The following PLXNA1 variants were observed in gnomAD, a reference collection of about 807,000 sequenced individuals.
PLXNA1 encodes plexin-A1.
PLXNA1 carries 77 observed loss-of-function variants against 191.7 expected under a neutral mutation model. The observed-to-expected ratio is 0.40, with a 90% CI of 0.33 to 0.49. The LOEUF (loss-of-function observed/expected upper bound fraction) is 0.49, where lower values mean the gene tolerates loss of function less well. PLXNA1 is among the 20% of genes least tolerant of loss of function. PLXNA1 has a pLI of 0.63. For synonymous variants in PLXNA1, 1,137 were observed against 1,156.4 expected, an observed-to-expected ratio of 0.98 and a Z score of 0.34; for missense variants, 2,110 against 2,660.2, an observed-to-expected ratio of 0.79 and a Z score of 4.55.
rs2079132786 is a variant in PLXNA1 at position 127,017,919 on chromosome 3, G to A, written c.3660+27G>A. 1.9e-6 allele frequency: 3 copies of A among 1,609,080 alleles called. No individual in the cohort carries two copies. In the East Asian group the frequency reaches 6.7e-5, roughly 36 times the overall value. On this transcript the variant is annotated intron_variant, in intron 19 of 31. Coordinates refer to ENST00000393409, the MANE Select transcript of PLXNA1 (RefSeq NM_032242.4). The stretch of plus-strand genomic sequence containing the variant: ...TGCGTCTGTCCACCGGGGGTGCAGA[G>A]CTGGGAGAGCCATGCCCCACCTGTG...
Position 127,011,957 on chromosome 3 carries a change from G to A in PLXNA1, c.2113-1G>A. The A allele has an allele frequency of 6.2e-7, 1 of 1,612,440 alleles. No individual in the cohort carries two copies. Among genetic ancestry groups the A allele is most frequent in the Non-Finnish European group, 8.5e-7 (1 of 1,178,894 alleles). ...CTCAGCCAAACTCTTCTTATCCCCA[G>A]GACTGCCCACAGATCCTGCCCTCCA... On this transcript the variant is annotated splice_acceptor_variant, in intron 9 of 31. Coordinates refer to ENST00000393409, the MANE Select transcript of PLXNA1 (RefSeq NM_032242.4). LOFTEE classifies it high-confidence loss of function.
Position 127,017,643 on chromosome 3 carries a change from C to G in PLXNA1, c.3495C>G (p.Pro1165=). ...LSPTGLLELK[P]SSPLILKGRN... Reference sequence around the variant, plus strand: ...CCACTGGCCTGCTGGAGCTGAAGCCCAGCTCCCCACTCATCCTCAAGGTGG... The same window carrying G: ...CCACTGGCCTGCTGGAGCTGAAGCCGAGCTCCCCACTCATCCTCAAGGTGG... The change falls in exon 18 of 32, where the codon CCC becomes CCG. Residue 1165 remains proline (P), a synonymous_variant. Transcript: ENST00000393409. 1 of 1,613,532 alleles carries G rather than the reference C, an allele frequency of 6.2e-7. No homozygotes were observed. Among genetic ancestry groups the G allele is most frequent in the Non-Finnish European group, 8.5e-7 (1 of 1,180,014 alleles).
chr3:127,020,934 C>T (rs1045929944), intron 21 of PLXNA1, among the ~76,000 whole-genome samples: 4 of 152,222 alleles, frequency 2.6e-5, no homozygotes, highest in Non-Finnish European at 5.9e-5. Context: ...GGCAGCGAGC[C>T]TGGCGAGGGA....
At chr3:127,031,146 CCT>C (rs2107638933) in intron 29 of PLXNA1, among the ~76,000 whole-genome samples, 2 of 152,302 alleles carry the variant, frequency 1.3e-5, no homozygotes, top group South Asian at 4.1e-4. Context: ...ATGTTGGCTT[CCT>C]CTCTGCCACA....
intron 1 of PLXNA1, among the ~76,000 whole-genome samples, chr3:126,985,887 G>A (rs774172903): frequency 2.6e-5 from 4 of 152,228 alleles, no homozygotes; most frequent in Non-Finnish European, 5.9e-5. Flanking sequence ...TTAGATGCTG[G>A]GCATGAGGGA....
At chr3:127,003,202 G>T in intron 3 of PLXNA1, 128 bp from the exon 4 acceptor site, 2 of 1,066,248 alleles carry the variant, frequency 1.9e-6, no homozygotes, top group Non-Finnish European at 1.3e-6. Context: ...GGCTGGCGCT[G>T]GTCCTCTCTG....
chr3:127,027,306 TGTGCTGCTGGCCCTGTGCTGTGTGCTTGG>T (rs2079181180), intron 23 of PLXNA1: 2 of 276,474 alleles, frequency 7.2e-6, no homozygotes, highest in Non-Finnish European at 1.4e-5. Flanking sequence ...GGCCCGGGGC[TGTGCTGCTGGCCCTGTGCTGTGTGCTTGG>T]GTGCTGGTGA....
intron 14 of PLXNA1, 91 bp downstream of exon 14, chr3:127,014,922 T>C (rs2079115331): frequency 4.6e-6 from 7 of 1,523,720 alleles, no homozygotes; most frequent in Non-Finnish European, 4.4e-6. Flanking sequence ...GCCCCTTGTC[T>C]GGCCATGCTC....
intron 9 of PLXNA1, among the ~76,000 whole-genome samples, chr3:127,008,301 G>T (rs1218079471): frequency 1.3e-5 from 2 of 152,214 alleles, no homozygotes; most frequent in African/African-American, 4.8e-5. Context: ...AGAGCCTGGA[G>T]TGCGGGTGCC....
At chr3:127,025,303 A>G (rs1403593208) in intron 23 of PLXNA1, among the ~76,000 whole-genome samples, 1 of 152,196 alleles carries the variant, frequency 6.6e-6, no homozygotes, top group Middle Eastern at 3.2e-3. Context: ...GATGTCATGT[A>G]GTGGAATCGT....
At chr3:127,014,875 G>A (rs1408971271) in intron 14 of PLXNA1, 44 bp downstream of exon 14, 1 of 1,594,686 alleles carries the variant, frequency 6.3e-7, no homozygotes, top group Admixed American at 1.7e-5. Flanking sequence ...CTGCTGCTCT[G>A]AGAGGGTGCC....
At chr3:126,984,187 G>C (rs1189532562) in intron 1 of PLXNA1, among the ~76,000 whole-genome samples, 1 of 152,188 alleles carries the variant, frequency 6.6e-6, no homozygotes, top group Non-Finnish European at 1.5e-5. Context: ...GAGGTCCCAG[G>C]TGCAGCCCTG....
intron 3 of PLXNA1, among the ~76,000 whole-genome samples, chr3:126,995,929 C>T (rs1469356973): frequency 6.6e-6 from 1 of 152,196 alleles, no homozygotes. Flanking sequence ...ACAGCATCTC[C>T]CTGTGGCGGT....
chr3:126,984,231 G>T (rs980608320), intron 1 of PLXNA1, among the ~76,000 whole-genome samples: 1 of 152,180 alleles, frequency 6.6e-6, no homozygotes, highest in Non-Finnish European at 1.5e-5. Context: ...GGGCGGCCCC[G>T]GGCGGCGATC....
chr3:126,993,808 G>C (rs574281846), intron 3 of PLXNA1, among the ~76,000 whole-genome samples: 1 of 152,330 alleles, frequency 6.6e-6, no homozygotes, highest in East Asian at 1.9e-4. Flanking sequence ...ATGCAGACAC[G>C]GTCATGTTGG....
At position 127,036,886 on chromosome 3, in the gene PLXNA1, C is replaced by T. The variant is rs576939167; in HGVS notation, c.*2869C>T. On this transcript the variant is annotated 3_prime_UTR_variant, in exon 32 of 32. Coordinates refer to ENST00000393409, the MANE Select transcript of PLXNA1 (RefSeq NM_032242.4). The stretch of plus-strand genomic sequence containing the variant: ...TCAGGAGTGCTGGAAAAGCTCACGC[C>T]TCGGCCTGGGAGCCTGGCCTCTTGA... 4.6e-5 allele frequency: 7 copies of T among 152,526 alleles called. No homozygotes were observed. The South Asian group carries it at 8.3e-4, about 18-fold the overall frequency. The allele number at this position is 152,526 out of a possible 1,614,324, so 9.4% of individuals were successfully genotyped here.
chr3:127,025,483 A>G (rs901405853), intron 23 of PLXNA1, among the ~76,000 whole-genome samples: 1 of 152,236 alleles, frequency 6.6e-6, no homozygotes, highest in Non-Finnish European at 1.5e-5. Context: ...CATCTTAACC[A>G]TTTTTAAGTG....
chr3:126,989,505 G>A lies in PLXNA1; in HGVS notation c.912G>A (p.Gln304=). Residue 304 remains glutamine (Q), a synonymous_variant, in exon 2 of 32, where the codon CAG becomes CAA. Coordinates refer to ENST00000393409, the MANE Select transcript of PLXNA1 (RefSeq NM_032242.4). ...SYVEFPIGCE[Q]AGVEYRLVQD... ...TTGAGTTCCCCATTGGCTGCGAGCAGGCGGGTGTGGAGTACCGCCTGGTGC... is the reference window on the plus strand; with the variant it reads ...TTGAGTTCCCCATTGGCTGCGAGCAAGCGGGTGTGGAGTACCGCCTGGTGC... The A allele has an allele frequency of 6.2e-7, 1 of 1,613,526 alleles. No individual in the cohort carries two copies. Among genetic ancestry groups the A allele is most frequent in the Non-Finnish European group, 8.5e-7 (1 of 1,180,034 alleles).
rs759933270 is a variant in PLXNA1, at chr3:127,004,865, C to T, written c.1620-20C>T. ...CCGTAGGTCTCCCCATCCGCCCAGC[C>T]TCAACCCCTCTGCCTGCAGCTGCTC... On this transcript the variant is annotated intron_variant, in intron 5 of 31. Coordinates refer to ENST00000393409, the MANE Select transcript of PLXNA1 (RefSeq NM_032242.4). The T allele has an allele frequency of 6.3e-6, 10 of 1,576,474 alleles. No individual in the cohort carries two copies. In the South Asian group the frequency reaches 1.1e-4, roughly 17 times the overall value.
Sources: gnomAD v4.1 joint callset for allele counts (sites outside exome capture counted in the v4.1 genomes callset) on GRCh38, gnomAD v4.1.1 for gene constraint, MANE v1.5 for transcripts, NCBI Gene and HGNC (gene_info 2026-07-23, HGNC 2026-07-21) for gene names.